PCDHGA4: variants seen among roughly 807,000 people sequenced by gnomAD.
PCDHGA4 encodes the protein protocadherin gamma subfamily A, 4.
A neutral mutation model predicts 54.6 loss-of-function variants in PCDHGA4; 38 were observed. The observed-to-expected ratio is 0.70, with a 90% CI of 0.54 to 0.91. The LOEUF is 0.91. PCDHGA4 is among the 40% of genes least tolerant of loss of function. The pLI is 0.00. For synonymous variants in PCDHGA4, 511 were observed against 512.9 expected, an observed-to-expected ratio of 1.00 and a Z score of 0.05; for missense variants, 1,298 against 1,220.9, an observed-to-expected ratio of 1.06 and a Z score of -0.94.
rs1177173734 is a variant in PCDHGA4, at chr5:141,491,741, G to T, written c.2515-3066G>T. 1.3e-6 allele frequency: 2 copies of T among 1,595,762 alleles called. No individual in the cohort carries two copies. On this transcript the variant is annotated intron_variant, in intron 1 of 3. Transcript: ENST00000571252. This position sits in a 1 kb window ranked among gnomAD's most constrained non-coding sequence, Gnocchi z 6.9. ...CCGCCCCGGGCGACCCCTGGGGGCG[G>T]CACTGGAGAAGCCGCCCGTCCTCAT... is the stretch of plus-strand genomic sequence containing the variant.
chr5:141,413,286 C>G, intron 1 of PCDHGA4: 1 of 1,613,968 alleles, frequency 6.2e-7, no homozygotes, highest in Non-Finnish European at 8.5e-7. Flanking sequence ...AGATCTCCTA[C>G]TCAATTCCTG....
Position 141,511,309 on chromosome 5 carries a change from G to C in PCDHGA4, c.*136G>C. The stretch of plus-strand genomic sequence containing the variant: ...GGGGCCAAGGCCATGCTCCCCTTGG[G>C]AAACAGAAACAAGTGCCCAGTCAGC... On this transcript the variant is annotated 3_prime_UTR_variant, in exon 4 of 4. Coordinates refer to ENST00000571252, the MANE Select transcript of PCDHGA4 (RefSeq NM_018917.4). 4.0e-6 allele frequency: 6 copies of C among 1,485,470 alleles called. No homozygotes were observed. Among genetic ancestry groups the C allele is most frequent in the Non-Finnish European group, 4.5e-6 (5 of 1,113,432 alleles). 92.0% of individuals were successfully genotyped at this position (1,485,470 alleles called of 1,614,324 possible).
chr5:141,439,531 G>T (rs1474855779), intron 1 of PCDHGA4, among the ~76,000 whole-genome samples: 1 of 152,126 alleles, frequency 6.6e-6, no homozygotes, highest in Non-Finnish European at 1.5e-5. Context: ...TCTACAGAAC[G>T]CTGTCCTCTC....
intron 1 of PCDHGA4, chr5:141,409,528 C>T (rs1488294674): frequency 3.1e-6 from 5 of 1,613,882 alleles, no homozygotes; most frequent in Non-Finnish European, 4.2e-6. Context: ...CCTTGTATGT[C>T]GCTGACATCA....
chr5:141,470,622 A>G (rs1323376824), intron 1 of PCDHGA4, among the ~76,000 whole-genome samples: 6 of 152,336 alleles, frequency 3.9e-5, no homozygotes, highest in Admixed American at 6.5e-5. Flanking sequence ...CTTCATGCTT[A>G]GATAGGCCCC....
chr5:141,415,760 T>G (rs779762678), intron 1 of PCDHGA4: 355 of 1,388,296 alleles, frequency 2.6e-4, no homozygotes, highest in East Asian at 7.0e-4. Flanking sequence ...TTTTTTTTTT[T>G]TTTTTTTTTT....
At position 141,384,421 on chromosome 5, in the gene PCDHGA4, A is replaced by T. The variant is rs764678416; in HGVS notation, c.2514+26800A>T. The T allele has an allele frequency of 1.9e-6, 3 of 1,613,914 alleles. No homozygotes were observed. In the South Asian group the frequency reaches 3.3e-5, roughly 18 times the overall value. ...TCCAGTGTCCTCCTATGTCTCCATA[A>T]ACTCTGACACTGGAGTCCTGTACGC... On this transcript the variant is annotated intron_variant, in intron 1 of 3. Transcript: ENST00000571252.
In PCDHGA4 at chr5:141,432,452, C is replaced by T. The variant is rs780149710; in HGVS notation, c.2515-62355C>T. 3.7e-6 allele frequency: 6 copies of T among 1,614,094 alleles called. No homozygotes were observed. The highest frequency in any genetic ancestry group is 1.6e-4 in the Middle Eastern group (1 of 6,082). On this transcript the variant is annotated intron_variant, in intron 1 of 3. Coordinates refer to ENST00000571252, the MANE Select transcript of PCDHGA4 (RefSeq NM_018917.4). The surrounding 1 kb of genome is among the most constrained non-coding windows in gnomAD (Gnocchi z 6.0). ...CGACAATGCGCCCGAGATCCTGTACCCCGCCCTCCCCACGGACGGTTCCAC... is the reference window on the plus strand; with the variant it reads ...CGACAATGCGCCCGAGATCCTGTACTCCGCCCTCCCCACGGACGGTTCCAC...
rs2099402935 is a variant in PCDHGA4, at chr5:141,476,991, G to A, written c.2515-17816G>A. On this transcript the variant is annotated intron_variant, in intron 1 of 3. Transcript: ENST00000571252. The surrounding 1 kb of genome is among the most constrained non-coding windows in gnomAD (Gnocchi z 7.6). ...GGCAGCCACAACCGCGCCGGCGTGC[G>A]GCAACTATTCGCCTTAGACCTTGTA... 4 of 1,614,094 alleles carry A rather than the reference G, an allele frequency of 2.5e-6. No homozygotes were observed. Among genetic ancestry groups the A allele is most frequent in the Non-Finnish European group, 3.4e-6 (4 of 1,180,056 alleles).
At position 141,356,788 on chromosome 5, in the gene PCDHGA4, C is replaced by A. The variant is rs553457447; in HGVS notation, c.1681C>A (p.Leu561Met). 6 of 1,614,038 alleles carry A rather than the reference C, an allele frequency of 3.7e-6. No individual in the cohort carries two copies. Among genetic ancestry groups the A allele is most frequent in the East Asian group, 4.5e-5 (2 of 44,876 alleles). The change falls in exon 1 of 4, where the codon CTG becomes ATG. Residue 561 changes from leucine to methionine, a missense_variant. Physicochemically the swap from Leu to Met is conservative, Grantham distance 15. Coordinates refer to ENST00000571252, the MANE Select transcript of PCDHGA4 (RefSeq NM_018917.4). ...CTATGAGCAGTTTAGAGACCTGCAG[C>A]TGCTGATGACAGCCAGTGACAGTGG... ...FDYEQFRDLQ[L>M]LMTASDSGDP...
At chr5:141,380,669 G>C (rs1434222643) in intron 1 of PCDHGA4, among the ~76,000 whole-genome samples, 1 of 152,174 alleles carries the variant, frequency 6.6e-6, no homozygotes, top group Non-Finnish European at 1.5e-5. Flanking sequence ...TTACTCCATA[G>C]GGTATGTATG....
At chr5:141,450,004 C>CTTTAT (rs2098662217) in intron 1 of PCDHGA4, among the ~76,000 whole-genome samples, 1 of 75,148 alleles carries the variant, frequency 1.3e-5, no homozygotes, top group Non-Finnish European at 2.3e-5. Flanking sequence ...GTTGCCATGT[C>CTTTAT]TCTTTTTTTT....
At chr5:141,481,240 T>G (rs1323124277) in intron 1 of PCDHGA4, among the ~76,000 whole-genome samples, 1 of 152,208 alleles carries the variant, frequency 6.6e-6, no homozygotes, top group Non-Finnish European at 1.5e-5. Flanking sequence ...AAGTATTACA[T>G]AGCATAGCTC....
intron 1 of PCDHGA4, chr5:141,388,600 C>G (rs1561620181): frequency 6.2e-7 from 1 of 1,613,856 alleles, no homozygotes; most frequent in Non-Finnish European, 8.5e-7. Context: ...AATGATAATG[C>G]TCCAGTGTTC....
chr5:141,394,253 C>A (rs771138606), intron 1 of PCDHGA4: 1 of 1,613,986 alleles, frequency 6.2e-7, no homozygotes, highest in Admixed American at 1.7e-5. Flanking sequence ...ACGACCCCGA[C>A]AGCCAGGAGA....
At chr5:141,399,915 C>T in intron 1 of PCDHGA4, 1 of 1,612,364 alleles carries the variant, frequency 6.2e-7, no homozygotes, top group Non-Finnish European at 8.5e-7. Flanking sequence ...ACTCAGGACA[C>T]AACGCCTGGC....
chr5:141,408,796 A>G (rs2154540634), intron 1 of PCDHGA4: 1 of 1,612,808 alleles, frequency 6.2e-7, no homozygotes, highest in Non-Finnish European at 8.5e-7. Context: ...CTCTGGAGAA[A>G]CTCCTAGACC....
At chr5:141,376,296 C>A (rs769852070) in intron 1 of PCDHGA4, 44 of 1,614,066 alleles carry the variant, frequency 2.7e-5, no homozygotes, top group Middle Eastern at 1.6e-4. Flanking sequence ...ATGCCCGGCT[C>A]GCACTTTGTG....
In PCDHGA4 at chr5:141,376,687, T is replaced by G. The variant is rs1033908230; in HGVS notation, c.2514+19066T>G. On this transcript the variant is annotated intron_variant, in intron 1 of 3. Coordinates refer to ENST00000571252, the MANE Select transcript of PCDHGA4 (RefSeq NM_018917.4). ...CAGGTGAGGGTATCGTTTTTTTTTT[T>G]TTTTTTTTTTGAGACGGAGTCTCGC... The G allele has an allele frequency of 1.3e-4, 108 of 822,468 alleles. 3 individuals are homozygous for G. The highest frequency in any genetic ancestry group is 8.8e-4 in the East Asian group (32 of 36,212). 50.9% of individuals were successfully genotyped at this position (822,468 alleles called of 1,614,324 possible).
Sources: allele counts gnomAD v4.1 joint callset (sites outside exome capture counted in the v4.1 genomes callset), GRCh38; gene constraint gnomAD v4.1.1; non-coding constraint Gnocchi (gnomAD v3.1); transcripts MANE v1.5; gene names NCBI Gene and HGNC (gene_info 2026-07-23, HGNC 2026-07-21).